GRM8: variants seen among roughly 807,000 people sequenced by gnomAD.
The protein encoded by GRM8 is glutamate metabotropic receptor 8.
A neutral mutation model predicts 87.2 loss-of-function variants in GRM8; 47 were observed. The ratio of observed to expected loss-of-function variants is 0.54; its 90% CI spans 0.43 to 0.69. The LOEUF is 0.69. Ranked by LOEUF, GRM8 falls within the 30% of genes least tolerant of loss-of-function variation. The pLI, the probability that GRM8 is intolerant of heterozygous loss-of-function variation, is 0.00. For missense variants in GRM8, 1,019 were observed against 1,139.2 expected, an observed-to-expected ratio of 0.89 and a Z score of 1.52; for synonymous variants, 396 against 404.5, an observed-to-expected ratio of 0.98 and a Z score of 0.25.
chr7:127,102,838 G>A (rs1587010010), intron 3 of GRM8, among the ~76,000 whole-genome samples: 1 of 152,134 alleles, frequency 6.6e-6, no homozygotes, highest in Non-Finnish European at 1.5e-5. Context: ...ACTGCCAAAT[G>A]GAGCTGTTAG....
chr7:127,207,425 T>C (rs1795973635), intron 2 of GRM8, among the ~76,000 whole-genome samples: 1 of 152,178 alleles, frequency 6.6e-6, no homozygotes, highest in South Asian at 2.1e-4. Context: ...GACAAATGCT[T>C]ACTGAATGTT....
chr7:126,925,040 C>T (rs1398126104), intron 3 of GRM8, among the ~76,000 whole-genome samples: 1 of 152,078 alleles, frequency 6.6e-6, no homozygotes, highest in Non-Finnish European at 1.5e-5. Context: ...TTAATAACTT[C>T]AGGTAGAATG....
chr7:127,153,899 C>G (rs1002676604), intron 2 of GRM8, among the ~76,000 whole-genome samples: 10 of 151,926 alleles, frequency 6.6e-5, no homozygotes, highest in Admixed American at 2.0e-4. Context: ...AAAGAAAAAC[C>G]AGAGGCCTCG....
At chr7:126,882,325 T>A (rs2131002196) in intron 6 of GRM8, among the ~76,000 whole-genome samples, 1 of 152,240 alleles carries the variant, frequency 6.6e-6, no homozygotes, top group East Asian at 1.9e-4. Flanking sequence ...TTGCTCTGTC[T>A]CTAATTCAAC....
chr7:126,516,126 T>A lies in GRM8; in HGVS notation c.2430+16826A>T, dbSNP rs114794946. On this transcript the variant is annotated intron_variant, in intron 9 of 10. Transcript: ENST00000339582. ...CAACTTTTTGTTTGTTGTTTATGAT[T>A]CATCTTATCAATCTACTCTCATCAA... 7.4e-3 allele frequency among the ~76,000 whole-genome samples: 1,124 copies of A among 152,182 alleles called. 13 individuals are homozygous for A. Among genetic ancestry groups the A allele is most frequent in the African/African-American group, 0.026 (1,076 of 41,552 alleles).
intron 8 of GRM8, among the ~76,000 whole-genome samples, chr7:126,606,260 G>A (rs749689615): frequency 7.2e-5 from 11 of 152,080 alleles, no homozygotes; most frequent in African/African-American, 1.7e-4. Flanking sequence ...TGGGACCTTC[G>A]CTTTGCCCAG....
At chr7:126,802,262 G>A (rs1563201207) in intron 6 of GRM8, among the ~76,000 whole-genome samples, 1 of 152,114 alleles carries the variant, frequency 6.6e-6, no homozygotes, top group Non-Finnish European at 1.5e-5. Flanking sequence ...TAGTCAGGGT[G>A]ATGTACTATA....
chr7:127,066,437 A>C (rs1185233711), intron 3 of GRM8, among the ~76,000 whole-genome samples: 1 of 152,192 alleles, frequency 6.6e-6, no homozygotes, highest in African/African-American at 2.4e-5. Context: ...TGTAGCATTT[A>C]AGAGTTTACA....
At chr7:127,125,034 T>C (rs530193765) in intron 2 of GRM8, among the ~76,000 whole-genome samples, 2 of 152,154 alleles carry the variant, frequency 1.3e-5, no homozygotes, top group African/African-American at 2.4e-5. Flanking sequence ...GTTGAAAAAA[T>C]ACATCTAAAA....
chr7:126,509,843 A>T lies in GRM8; in HGVS notation c.2430+23109T>A, dbSNP rs144490077. On this transcript the variant is annotated intron_variant, in intron 9 of 10. Coordinates refer to ENST00000339582, the MANE Select transcript of GRM8 (RefSeq NM_000845.3). ...TCAGACACCTCTACACATAGGACAT[A>T]GGTAATAAATAAAATAAAATTGTGA... Among the ~76,000 whole-genome samples, 293 of 152,178 alleles carry T rather than the reference A, an allele frequency of 1.9e-3. 1 individual carries two copies. Among genetic ancestry groups the T allele is most frequent in the African/African-American group, 6.3e-3 (262 of 41,566 alleles).
intron 2 of GRM8, among the ~76,000 whole-genome samples, chr7:127,185,261 A>G (rs1346051691): frequency 6.6e-6 from 1 of 152,122 alleles, no homozygotes; most frequent in Non-Finnish European, 1.5e-5. Flanking sequence ...GAATAGACAT[A>G]TATTACTAGA....
At chr7:126,604,618 T>C (rs550298133) in intron 8 of GRM8, among the ~76,000 whole-genome samples, 5 of 147,062 alleles carry the variant, frequency 3.4e-5, no homozygotes, top group Admixed American at 1.4e-4. Context: ...AGAACCTGAG[T>C]CTAAGTCACA....
At chr7:127,116,530 C>T (rs1015979393) in intron 2 of GRM8, among the ~76,000 whole-genome samples, 22 of 152,148 alleles carry the variant, frequency 1.4e-4, no homozygotes, top group Admixed American at 1.0e-3. Context: ...AAACATTTAA[C>T]GGCAATTGTA....
At chr7:126,880,929 C>T (rs1799965176) in intron 6 of GRM8, among the ~76,000 whole-genome samples, 1 of 152,188 alleles carries the variant, frequency 6.6e-6, no homozygotes, top group Admixed American at 6.5e-5. Context: ...AAGTCTTTCC[C>T]CCTTCTCACC....
chr7:126,549,035 T>C (rs1817483651), intron 8 of GRM8, among the ~76,000 whole-genome samples: 1 of 151,962 alleles, frequency 6.6e-6, no homozygotes, highest in Non-Finnish European at 1.5e-5. Flanking sequence ...TAGAAAACAA[T>C]GAAGTACAGG....
intron 7 of GRM8, among the ~76,000 whole-genome samples, chr7:126,712,544 G>A (rs4728050): frequency 0.42 from 63,309 of 151,908 alleles, 13,517 homozygotes; most frequent in East Asian, 0.51. Flanking sequence ...CCTGTGAGGC[G>A]CAATAAAACA....
At chr7:126,551,554 T>C (rs1055076548) in intron 8 of GRM8, among the ~76,000 whole-genome samples, 1 of 152,180 alleles carries the variant, frequency 6.6e-6, no homozygotes, top group Non-Finnish European at 1.5e-5. Flanking sequence ...CGCTGTGAGA[T>C]AGAACTAAAG....
chr7:126,445,854 A>G (rs1298919337), intron 10 of GRM8, among the ~76,000 whole-genome samples: 2 of 152,032 alleles, frequency 1.3e-5, no homozygotes, highest in African/African-American at 2.4e-5. Flanking sequence ...GCTTTCAAAT[A>G]CCAAGCTTTG....
At chr7:126,964,388 G>GA (rs1313645319) in intron 3 of GRM8, among the ~76,000 whole-genome samples, 2 of 152,132 alleles carry the variant, frequency 1.3e-5, no homozygotes, top group Non-Finnish European at 2.9e-5. Flanking sequence ...TACAGAATGG[G>GA]AAAAAATTTT....
Sources: allele counts gnomAD v4.1 joint callset (sites outside exome capture counted in the v4.1 genomes callset), GRCh38; gene constraint gnomAD v4.1.1; transcripts MANE v1.5; gene names NCBI Gene and HGNC (gene_info 2026-07-23, HGNC 2026-07-21).